Variants in GABRB2 observed in about 807,000 individuals in gnomAD.
GABRB2 encodes the protein gamma-aminobutyric acid type A receptor subunit beta2, also known as gamma-aminobutyric acid receptor subunit beta-2.
Under a neutral mutation model 54.7 loss-of-function variants are expected in GABRB2, and 16 were observed. That is an observed-to-expected ratio of 0.29 (90% CI 0.20 to 0.44). The LOEUF (loss-of-function observed/expected upper bound fraction) is 0.44, where lower values mean the gene tolerates loss of function less well. GABRB2 is among the 20% of genes least tolerant of loss of function. The pLI, the probability that GABRB2 is intolerant of heterozygous loss-of-function variation, is 1.00. For missense variants in GABRB2, 355 were observed against 644.0 expected, an observed-to-expected ratio of 0.55 and a Z score of 4.86; for synonymous variants, 244 against 233.8, an observed-to-expected ratio of 1.04 and a Z score of -0.40.
At chr5:161,444,556 C>T (rs541023726) in intron 4 of GABRB2, among the ~76,000 whole-genome samples, 1 of 152,184 alleles carries the variant, frequency 6.6e-6, no homozygotes, top group South Asian at 2.1e-4. Context: ...TAAGAAAATG[C>T]CATGCCAATG....
intron 5 of GABRB2, among the ~76,000 whole-genome samples, chr5:161,392,773 G>T (rs531678640): frequency 2.0e-5 from 3 of 152,106 alleles, no homozygotes; most frequent in Non-Finnish European, 4.4e-5. Context: ...AGCTGTTTTT[G>T]AATATCTATA....
chr5:161,363,796 C>T (rs1754894060), intron 5 of GABRB2, among the ~76,000 whole-genome samples: 1 of 152,184 alleles, frequency 6.6e-6, no homozygotes, highest in Non-Finnish European at 1.5e-5. Flanking sequence ...CTGGATAGAA[C>T]ATTAGGAACA....
intron 3 of GABRB2, among the ~76,000 whole-genome samples, chr5:161,527,643 C>G (rs751130792): frequency 6.6e-6 from 1 of 150,962 alleles, no homozygotes; most frequent in Admixed American, 6.6e-5. Context: ...ATGAATTGTC[C>G]AATAGAAAAT....
At chr5:161,472,982 A>C (rs1361180878) in intron 3 of GABRB2, among the ~76,000 whole-genome samples, 1 of 152,036 alleles carries the variant, frequency 6.6e-6, no homozygotes, top group African/African-American at 2.4e-5. Context: ...AAAGTTATTA[A>C]ATTTATTTGA....
At chr5:161,544,948 GC>G (rs1422350872) in intron 3 of GABRB2, among the ~76,000 whole-genome samples, 7 of 152,248 alleles carry the variant, frequency 4.6e-5, no homozygotes, top group African/African-American at 1.7e-4. Flanking sequence ...AGGAGATGAG[GC>G]TTCTGTAGGG....
chr5:161,491,545 G>A (rs1759092792), intron 3 of GABRB2, among the ~76,000 whole-genome samples: 1 of 151,574 alleles, frequency 6.6e-6, no homozygotes, highest in South Asian at 2.1e-4. Flanking sequence ...TTGTGGAGAT[G>A]TCATTTGGAA....
chr5:161,411,808 T>C (rs1047015535), intron 4 of GABRB2, among the ~76,000 whole-genome samples: 12 of 151,690 alleles, frequency 7.9e-5, no homozygotes, highest in African/African-American at 2.9e-4. Context: ...TATATACATT[T>C]AGAGTTTATA....
rs1172070772 is a variant in GABRB2 at position 161,543,912 on chromosome 5, A to C, written c.237+1315T>G. On this transcript the variant is annotated intron_variant, in intron 3 of 9. Transcript: ENST00000393959. ...TTGCATGTGATAAAAACTTTCTCTA[A>C]ATTAGAATATGAGAAGATTAATGTC... 2.0e-5 allele frequency among the ~76,000 whole-genome samples: 3 copies of C among 152,228 alleles called. No individual in the cohort carries two copies. In the East Asian group the frequency reaches 5.8e-4, roughly 29 times the overall value.
chr5:161,378,236 G>T (rs922645539), intron 5 of GABRB2, among the ~76,000 whole-genome samples: 1 of 152,056 alleles, frequency 6.6e-6, no homozygotes, highest in African/African-American at 2.4e-5. Context: ...GCTAATGGGT[G>T]GTTGTAGTGA....
intron 4 of GABRB2, among the ~76,000 whole-genome samples, chr5:161,434,554 A>T (rs1187778179): frequency 6.6e-6 from 1 of 151,910 alleles, no homozygotes; most frequent in Non-Finnish European, 1.5e-5. Context: ...ACTTTCATTC[A>T]TCACATATGC....
Position 161,326,438 on chromosome 5 carries a change from G to T in GABRB2, c.1121C>A (p.Ser374Tyr). ...DIKQNGTQYRSLWDPTGNLSP... is the reference protein window; with the variant it reads ...DIKQNGTQYRYLWDPTGNLSP... ...GAGGTTTCCAGTAGGGTCCCACAAG[G>T]ATCGATATTGGGTCCCATTTTGTTT... The change falls in exon 9 of 10, where the codon TCC becomes TAC. Residue 374 changes from serine to tyrosine, a missense_variant. By Grantham distance (144) the Ser-to-Tyr change is moderately radical (BLOSUM62 -2). Coordinates refer to ENST00000393959, the MANE Select transcript of GABRB2 (RefSeq NM_001371727.1). The T allele has an allele frequency of 6.2e-7, 1 of 1,613,614 alleles. No individual in the cohort carries two copies. The highest frequency in any genetic ancestry group is 8.5e-7 in the Non-Finnish European group (1 of 1,179,666).
intron 5 of GABRB2, among the ~76,000 whole-genome samples, chr5:161,374,118 A>G (rs1204407209): frequency 6.6e-6 from 1 of 151,706 alleles, no homozygotes; most frequent in Non-Finnish European, 1.5e-5. Context: ...CTAATTTTGT[A>G]TTTCTAGTAG....
intron 4 of GABRB2, among the ~76,000 whole-genome samples, chr5:161,457,120 G>A (rs1411772022): frequency 1.3e-5 from 2 of 152,174 alleles, no homozygotes; most frequent in Admixed American, 6.5e-5. Context: ...TATATTTCCT[G>A]ATGAATGTTC....
intron 3 of GABRB2, among the ~76,000 whole-genome samples, chr5:161,463,580 T>TAG: frequency 1.6e-5 from 2 of 125,522 alleles, no homozygotes; most frequent in Non-Finnish European, 3.4e-5. Context: ...TATATATATA[T>TAG]ATATATATAT....
intron 5 of GABRB2, among the ~76,000 whole-genome samples, chr5:161,348,214 ATGT>A (rs1754375400): frequency 6.6e-6 from 1 of 152,098 alleles, no homozygotes; most frequent in Non-Finnish European, 1.5e-5. Flanking sequence ...CATAATTACC[ATGT>A]TAGGAATTAA....
At chr5:161,540,718 A>G (rs997828644) in intron 3 of GABRB2, among the ~76,000 whole-genome samples, 2 of 152,220 alleles carry the variant, frequency 1.3e-5, no homozygotes, top group East Asian at 1.9e-4. Flanking sequence ...TGTGTTAGCA[A>G]GCATGAAAAC....
intron 3 of GABRB2, among the ~76,000 whole-genome samples, chr5:161,527,607 A>T (rs999079848): frequency 1.4e-4 from 21 of 151,584 alleles, no homozygotes; most frequent in Non-Finnish European, 4.4e-5. Context: ...ATACATAAAA[A>T]GTTACAACAA....
intron 5 of GABRB2, among the ~76,000 whole-genome samples, chr5:161,378,480 T>C (rs948735253): frequency 6.6e-6 from 1 of 152,176 alleles, no homozygotes; most frequent in African/African-American, 2.4e-5. Context: ...CACACATGTT[T>C]GGCTTCAGTT....
chr5:161,464,949 G>A, intron 3 of GABRB2, among the ~76,000 whole-genome samples: 1 of 152,080 alleles, frequency 6.6e-6, no homozygotes, highest in Non-Finnish European at 1.5e-5. Flanking sequence ...TAATAGAACT[G>A]TTCTGCTTCT....
Sources: allele counts gnomAD v4.1 joint callset (sites outside exome capture counted in the v4.1 genomes callset), GRCh38; gene constraint gnomAD v4.1.1; transcripts MANE v1.5; gene names NCBI Gene and HGNC (gene_info 2026-07-23, HGNC 2026-07-21).